The following PTK2 variants were observed in gnomAD, a reference collection of about 807,000 sequenced individuals.
PTK2 encodes focal adhesion kinase 1.
PTK2 carries 45 observed loss-of-function variants against 150.1 expected under a neutral mutation model. The ratio of observed to expected loss-of-function variants is 0.30; its 90% CI spans 0.24 to 0.38. The LOEUF (loss-of-function observed/expected upper bound fraction) is 0.38, where lower values mean the gene tolerates loss of function less well. Ranked by LOEUF, PTK2 falls within the 10% of genes least tolerant of loss-of-function variation. The pLI, the probability that PTK2 is intolerant of heterozygous loss-of-function variation, is 1.00. For synonymous variants in PTK2, 432 were observed against 449.2 expected, an observed-to-expected ratio of 0.96 and a Z score of 0.48; for missense variants, 919 against 1,307.3, an observed-to-expected ratio of 0.70 and a Z score of 4.58.
intron 1 of PTK2, among the ~76,000 whole-genome samples, chr8:140,995,257 C>G (rs1307875969): frequency 1.3e-5 from 2 of 151,772 alleles, no homozygotes; most frequent in Non-Finnish European, 2.9e-5. Flanking sequence ...GTGGCACGTG[C>G]CTGTAGTCCC....
intron 16 of PTK2, among the ~76,000 whole-genome samples, chr8:140,756,320 C>T (rs1483961462): frequency 1.4e-5 from 2 of 138,570 alleles, no homozygotes; most frequent in Non-Finnish European, 3.1e-5. Flanking sequence ...AAGGCTCCAT[C>T]TCAAAAAAAA....
At chr8:140,931,070 CAAAAA>C (rs34438579) in intron 1 of PTK2, among the ~76,000 whole-genome samples, 1 of 111,724 alleles carries the variant, frequency 9.0e-6, no homozygotes. Context: ...GACTCTGTCT[CAAAAA>C]AAAAAAAAAA....
chr8:140,901,543 C>T (rs2100158438), intron 2 of PTK2, among the ~76,000 whole-genome samples: 1 of 151,914 alleles, frequency 6.6e-6, no homozygotes, highest in Admixed American at 6.6e-5. Flanking sequence ...GATTAATAAC[C>T]AGAATCTATA....
At chr8:140,729,998 A>C (rs1276951819) in intron 22 of PTK2, among the ~76,000 whole-genome samples, 1 of 152,350 alleles carries the variant, frequency 6.6e-6, no homozygotes, top group Middle Eastern at 3.4e-3. Flanking sequence ...CTGCCAACAG[A>C]CATTGCTCTA....
At chr8:140,722,723 C>T (rs1213133076) in intron 22 of PTK2, among the ~76,000 whole-genome samples, 1 of 152,140 alleles carries the variant, frequency 6.6e-6, no homozygotes, top group Non-Finnish European at 1.5e-5. Flanking sequence ...TCTATTGCCT[C>T]ACCCTTAAAA....
At chr8:140,839,580 A>AT (rs1298929657) in intron 7 of PTK2, among the ~76,000 whole-genome samples, 2 of 152,248 alleles carry the variant, frequency 1.3e-5, no homozygotes, top group African/African-American at 2.4e-5. Context: ...ATGAAAAAAT[A>AT]TAAGTGGTAG....
rs116868018 is a variant in PTK2, at chr8:140,799,960, C to T, written c.1093+499G>A. 1.2e-4 allele frequency among the ~76,000 whole-genome samples: 19 copies of T among 152,248 alleles called. No individual in the cohort carries two copies. The East Asian group carries it at 2.1e-3, about 17-fold the overall frequency. ...TTATATGCTTGCAAAAACTCCACAC[C>T]GCTTTTATAGTGACGTTTCTAGGAT... On this transcript the variant is annotated intron_variant, in intron 12 of 31. Transcript: ENST00000522684.
chr8:140,922,257 G>A (rs1236653464), intron 2 of PTK2, among the ~76,000 whole-genome samples: 2 of 151,966 alleles, frequency 1.3e-5, no homozygotes, highest in Non-Finnish European at 2.9e-5. Context: ...CCTAATAGTA[G>A]CCAGAGTTCA....
At chr8:140,908,781 G>A (rs11778798) in intron 2 of PTK2, among the ~76,000 whole-genome samples, 63,436 of 152,026 alleles carry the variant, frequency 0.42, 15,158 homozygotes, top group Non-Finnish European at 0.55. Context: ...CAGTTTCCAC[G>A]GAAAAGAACA....
At chr8:140,727,206 T>C (rs531208596) in intron 22 of PTK2, among the ~76,000 whole-genome samples, 1 of 152,346 alleles carries the variant, frequency 6.6e-6, no homozygotes, top group East Asian at 1.9e-4. Context: ...GACAGAACTA[T>C]GATAGGGACG....
Position 140,874,212 on chromosome 8 carries a change from G to C in PTK2, c.362+5259C>G, listed in dbSNP as rs74928559. Among the ~76,000 whole-genome samples, 874 of 152,268 alleles carry C rather than the reference G, an allele frequency of 5.7e-3. 6 individuals are homozygous for C. Among genetic ancestry groups the C allele is most frequent in the African/African-American group, 0.02 (813 of 41,552 alleles). On this transcript the variant is annotated intron_variant, in intron 4 of 31. Transcript: ENST00000522684. ...GCCTGAGACAGTTATGACCAAATAC[G>C]TGTGCTGCAAGCTAGCTTACCAAGC...
intron 1 of PTK2, among the ~76,000 whole-genome samples, chr8:140,929,163 C>G (rs923328226): frequency 1.3e-5 from 2 of 150,276 alleles, no homozygotes; most frequent in Admixed American, 6.6e-5. Flanking sequence ...GACGGGGTTT[C>G]ACCATTTTAG....
In PTK2 at chr8:140,770,887, T is replaced by C. The variant is rs1227877903; in HGVS notation, c.1178-6597A>G. On this transcript the variant is annotated intron_variant, in intron 14 of 31. Transcript: ENST00000522684. ...AACTTTTGTTACATTTAAAGGCTTA[T>C]CTATAAAAACAGATACAAAATTGCA... 2.0e-4 allele frequency: 103 copies of C among 521,148 alleles called. 1 individual carries two copies. Among genetic ancestry groups the C allele is most frequent in the Non-Finnish European group, 3.6e-5 (13 of 364,008 alleles). 32.3% of individuals were successfully genotyped at this position (521,148 alleles called of 1,614,324 possible). A position where few individuals can be genotyped will look rare whatever the true frequency, so the allele number is the denominator to read the frequency against.
At chr8:140,816,419 C>T (rs546157900) in intron 10 of PTK2, among the ~76,000 whole-genome samples, 1 of 152,168 alleles carries the variant, frequency 6.6e-6, no homozygotes, top group Non-Finnish European at 1.5e-5. Context: ...GCTGACACAG[C>T]AGCATTTAAT....
rs187189369 is a variant in PTK2, at chr8:140,860,374, C to T, written c.450+3938G>A. On this transcript the variant is annotated intron_variant, in intron 5 of 31. Coordinates refer to ENST00000522684, the Ensembl canonical transcript of PTK2. ...CAACGTTTCAACTGTTTTTTACTTACGGTAAAGATGGCAGTCAACAGGGTC... is the reference window on the plus strand; with the variant it reads ...CAACGTTTCAACTGTTTTTTACTTATGGTAAAGATGGCAGTCAACAGGGTC... 8.5e-5 allele frequency among the ~76,000 whole-genome samples: 13 copies of T among 152,282 alleles called. No homozygotes were observed. In the East Asian group the frequency reaches 2.1e-3, roughly 25 times the overall value.
At chr8:140,751,956 G>A (rs765603595) in intron 17 of PTK2, 1 of 593,234 alleles carries the variant, frequency 1.7e-6, no homozygotes, top group Non-Finnish European at 3.2e-6. Flanking sequence ...TTATATATCT[G>A]CACCAATTCC....
At chr8:140,726,568 A>C (rs868508908) in intron 22 of PTK2, among the ~76,000 whole-genome samples, 1 of 152,170 alleles carries the variant, frequency 6.6e-6, no homozygotes, top group Non-Finnish European at 1.5e-5. Flanking sequence ...CTTCTCATTA[A>C]ACATAACAGG....
chr8:140,778,196 G>C (rs2100079525), intron 14 of PTK2, among the ~76,000 whole-genome samples: 1 of 152,224 alleles, frequency 6.6e-6, no homozygotes, highest in Non-Finnish European at 1.5e-5. Context: ...GGCTGGGCCT[G>C]GTGGCTCATG....
intron 1 of PTK2, among the ~76,000 whole-genome samples, chr8:140,947,417 G>A (rs920010805): frequency 1.3e-5 from 2 of 152,172 alleles, no homozygotes; most frequent in Non-Finnish European, 2.9e-5. Context: ...ACAGCTAAAA[G>A]TGGCAGCACC....
Sources: gnomAD v4.1 joint callset for allele counts (sites outside exome capture counted in the v4.1 genomes callset) on GRCh38, gnomAD v4.1.1 for gene constraint, MANE v1.5 for transcripts, NCBI Gene and HGNC (gene_info 2026-07-23, HGNC 2026-07-21) for gene names.